The following OVOL2 variants were observed in gnomAD, a reference collection of about 807,000 sequenced individuals.
OVOL2 encodes ovo like zinc finger 2, also known as transcription factor Ovo-like 2.
OVOL2 carries 13 observed loss-of-function variants against 18.1 expected under a neutral mutation model. The ratio of observed to expected loss-of-function variants is 0.72; its 90% CI spans 0.47 to 1.14. The LOEUF is 1.14. OVOL2 is among the 50% of genes most tolerant of loss of function. OVOL2 has a pLI of 0.00. For synonymous variants in OVOL2, 166 were observed against 162.7 expected (o/e 1.02, Z -0.16); for missense variants, 335 against 383.0 (o/e 0.87, Z 1.05).
intron 2 of OVOL2, among the ~76,000 whole-genome samples, chr20:18,049,883 C>A (rs568467064): frequency 6.6e-6 from 1 of 152,262 alleles, no homozygotes; most frequent in South Asian, 2.1e-4. Flanking sequence ...ACTATCAACA[C>A]TAAGGGCTAA....
In OVOL2 at chr20:18,056,174, T is replaced by C. The variant is rs1738335901; in HGVS notation, c.321+483A>G. On this transcript the variant is annotated intron_variant, in intron 2 of 3. Transcript: ENST00000278780. This position sits in a 1 kb window ranked among gnomAD's most constrained non-coding sequence, Gnocchi z 4.2. ...GGGAGAGGCCCACTATGTGTCAAGC[T>C]GCCGCCCAGGTCCAGAACATAAGCA... 6.6e-6 allele frequency among the ~76,000 whole-genome samples: 1 copy of C among 152,206 alleles called. No individual in the cohort carries two copies. The highest frequency in any genetic ancestry group is 1.5e-5 in the Non-Finnish European group (1 of 68,030).
At chr20:18,028,006 A>T (rs1037606633) in intron 3 of OVOL2, among the ~76,000 whole-genome samples, 1 of 152,008 alleles carries the variant, frequency 6.6e-6, no homozygotes, top group Non-Finnish European at 1.5e-5. Context: ...TGCATGGAGC[A>T]TGAAGAGGCC....
chr20:18,024,598 C>G lies in OVOL2; in HGVS notation c.*38G>C. The G allele has an allele frequency of 6.6e-7, 1 of 1,518,764 alleles. No homozygotes were observed. The highest frequency in any genetic ancestry group is 8.9e-7 in the Non-Finnish European group (1 of 1,129,258). The allele number at this position is 1,518,764 out of a possible 1,614,324, so 94.1% of individuals were successfully genotyped here. A position where few individuals can be genotyped will look rare whatever the true frequency, so the allele number is the denominator to read the frequency against. ...AAAACCAAAAATCCACGTAGACATA[C>G]GTGGCAGTGTGAACGTCTGTCCTCC... On this transcript the variant is annotated 3_prime_UTR_variant, in exon 4 of 4. Transcript: ENST00000278780.
chr20:18,047,625 C>T lies in OVOL2; in HGVS notation c.322-5902G>A, dbSNP rs185016702. Among the ~76,000 whole-genome samples, 1,009 of 135,358 alleles carry T rather than the reference C, an allele frequency of 7.5e-3. 64 individuals are homozygous for T. Among genetic ancestry groups the T allele is most frequent in the Middle Eastern group, 0.017 (4 of 242 alleles). The allele number at this position is 135,358 out of a possible 152,430, so 88.8% of individuals were successfully genotyped here. A position where few individuals can be genotyped will look rare whatever the true frequency, so the allele number is the denominator to read the frequency against. On this transcript the variant is annotated intron_variant, in intron 2 of 3. Transcript: ENST00000278780. ...TCCTAGTACTTTGGGAGGCCAAGGCCGGTGGATCATCTGAGGTCAGGAGTT... is the reference window on the plus strand; with the variant it reads ...TCCTAGTACTTTGGGAGGCCAAGGCTGGTGGATCATCTGAGGTCAGGAGTT...
rs1353307451 is a variant in OVOL2 at position 18,024,528 on chromosome 20, C to T, written c.*108G>A. Reference sequence around the variant, plus strand: ...TGTTTCAAAAGGACACAGAGGTGAACTGGTCACTTCTAATTAAGAAGAGCC... The same window carrying T: ...TGTTTCAAAAGGACACAGAGGTGAATTGGTCACTTCTAATTAAGAAGAGCC... On this transcript the variant is annotated 3_prime_UTR_variant, in exon 4 of 4. Transcript: ENST00000278780. 16 of 1,453,864 alleles carry T rather than the reference C, an allele frequency of 1.1e-5. No homozygotes were observed. The highest frequency in any genetic ancestry group is 3.6e-6 in the Non-Finnish European group (4 of 1,102,264). 90.1% of individuals were successfully genotyped at this position (1,453,864 alleles called of 1,614,324 possible). A position where few individuals can be genotyped will look rare whatever the true frequency, so the allele number is the denominator to read the frequency against.
At chr20:18,032,626 C>A (rs897556000) in intron 3 of OVOL2, among the ~76,000 whole-genome samples, 3 of 152,128 alleles carry the variant, frequency 2.0e-5, no homozygotes, top group Non-Finnish European at 2.9e-5. Flanking sequence ...CCTACCTCAG[C>A]CTCCTGAGTA....
intron 3 of OVOL2, among the ~76,000 whole-genome samples, chr20:18,038,514 G>A (rs2036639856): frequency 1.3e-5 from 2 of 152,168 alleles, no homozygotes; most frequent in African/African-American, 4.8e-5. Flanking sequence ...ACTCTTCTCT[G>A]AGAAGCTGTC....
intron 3 of OVOL2, among the ~76,000 whole-genome samples, chr20:18,039,914 T>C (rs1296910035): frequency 6.6e-6 from 1 of 152,134 alleles, no homozygotes; most frequent in Admixed American, 6.5e-5. Flanking sequence ...TCGGGGACTA[T>C]AGATAGCAAA....
chr20:18,056,845 CG>C lies in OVOL2; in HGVS notation c.132del (p.Glu45ArgfsTer90). ...CTGCCGCCGTCGCTGCGGCAGTCCT[CG>C]GGGGGGTCGTGGAGCAGGCGGCCTA... ...VGLGRLLHDP[P>X]EDCRSDGGSS... On this transcript the variant is annotated frameshift_variant, in exon 2 of 4. Coordinates refer to ENST00000278780, the MANE Select transcript of OVOL2 (RefSeq NM_021220.4). LOFTEE classifies it high-confidence loss of function. The surrounding 1 kb of genome is among the most constrained non-coding windows in gnomAD (Gnocchi z 4.2). The C allele has an allele frequency of 9.4e-6, 14 of 1,487,144 alleles. No homozygotes were observed. The highest frequency in any genetic ancestry group is 6.8e-5 in the Admixed American group (3 of 44,022). 92.1% of individuals were successfully genotyped at this position (1,487,144 alleles called of 1,614,324 possible).
At chr20:18,026,648 T>C (rs2036521452) in intron 3 of OVOL2, among the ~76,000 whole-genome samples, 1 of 152,318 alleles carries the variant, frequency 6.6e-6, no homozygotes, top group Admixed American at 6.5e-5. Flanking sequence ...CCCAAGGTGC[T>C]GGGATTACAG....
chr20:18,043,032 C>A (rs569176828), intron 2 of OVOL2, among the ~76,000 whole-genome samples: 68 of 152,266 alleles, frequency 4.5e-4, no homozygotes, highest in African/African-American at 1.6e-3. Context: ...TGGCCATGGA[C>A]TACCTGGCCA....
chr20:18,054,352 C>A (rs1348264231), intron 2 of OVOL2, among the ~76,000 whole-genome samples: 2 of 152,210 alleles, frequency 1.3e-5, no homozygotes, highest in African/African-American at 2.4e-5. Flanking sequence ...TGCTGCCTTG[C>A]ACACCCCAGG....
chr20:18,042,929 T>C (rs937379596), intron 2 of OVOL2, among the ~76,000 whole-genome samples: 1 of 152,140 alleles, frequency 6.6e-6, no homozygotes, highest in Admixed American at 6.5e-5. Context: ...GCTTCTTGTA[T>C]AGCCTGCAGA....
Position 18,024,816 on chromosome 20 carries a change from GCAGACGTAGA to G in OVOL2, c.638_647del (p.Leu213ProfsTer18). ...TGGGGCCCGTGTAGCCGCAATCCTC[GCAGACGTAGA>G]GCTTGTCCCGCCGCTGCTTATAGGC... On this transcript the variant is annotated frameshift_variant, in exon 4 of 4. Coordinates refer to ENST00000278780, the MANE Select transcript of OVOL2 (RefSeq NM_021220.4). LOFTEE classifies it high-confidence loss of function. The G allele has an allele frequency of 6.2e-7, 1 of 1,614,180 alleles. No homozygotes were observed. The highest frequency in any genetic ancestry group is 8.5e-7 in the Non-Finnish European group (1 of 1,180,042).
In OVOL2 at chr20:18,056,020, A is replaced by T. The variant is rs1364451891; in HGVS notation, c.321+637T>A. Among the ~76,000 whole-genome samples the T allele has an allele frequency of 6.6e-6, 1 of 152,212 alleles. No individual in the cohort carries two copies. The highest frequency in any genetic ancestry group is 1.5e-5 in the Non-Finnish European group (1 of 68,026). On this transcript the variant is annotated intron_variant, in intron 2 of 3. Coordinates refer to ENST00000278780, the MANE Select transcript of OVOL2 (RefSeq NM_021220.4). The surrounding 1 kb of genome is among the most constrained non-coding windows in gnomAD (Gnocchi z 4.2). ...AGGAAACACTCCAATCCACTGGGGT[A>T]GGGGCGCTCGAGAAATCTGTAGTTG...
At chr20:18,040,252 G>T (rs2036656800) in intron 3 of OVOL2, among the ~76,000 whole-genome samples, 1 of 152,120 alleles carries the variant, frequency 6.6e-6, no homozygotes, top group Non-Finnish European at 1.5e-5. Flanking sequence ...TAAGTCTGTT[G>T]GGAGGGTGGG....
At chr20:18,026,977 G>A (rs2036525298) in intron 3 of OVOL2, among the ~76,000 whole-genome samples, 1 of 152,178 alleles carries the variant, frequency 6.6e-6, no homozygotes, top group African/African-American at 2.4e-5. Context: ...GCCAAGGGCT[G>A]AGAAACTCCC....
rs1011838795 is a variant in OVOL2, at chr20:18,057,428, G to T, written c.100+107C>A. ...GACCCCCGCGTGCCCCCCGGAAGAGGGGGATGAGGTGGGGAGCCCGCCCCT... is the reference window on the plus strand; with the variant it reads ...GACCCCCGCGTGCCCCCCGGAAGAGTGGGATGAGGTGGGGAGCCCGCCCCT... On this transcript the variant is annotated intron_variant, in intron 1 of 3. Coordinates refer to ENST00000278780, the MANE Select transcript of OVOL2 (RefSeq NM_021220.4). The surrounding 1 kb of genome is among the most constrained non-coding windows in gnomAD (Gnocchi z 6.3). 2.3e-6 allele frequency: 3 copies of T among 1,299,524 alleles called. No individual in the cohort carries two copies. The highest frequency in any genetic ancestry group is 2.2e-5 in the Admixed American group (1 of 45,788). 80.5% of individuals were successfully genotyped at this position (1,299,524 alleles called of 1,614,324 possible).
chr20:18,027,966 G>C (rs1462931958), intron 3 of OVOL2, among the ~76,000 whole-genome samples: 1 of 152,020 alleles, frequency 6.6e-6, no homozygotes, highest in Non-Finnish European at 1.5e-5. Flanking sequence ...AAGCATGGAA[G>C]TTGAGAGAGG....
Sources: allele counts gnomAD v4.1 joint callset (sites outside exome capture counted in the v4.1 genomes callset), GRCh38; gene constraint gnomAD v4.1.1; non-coding constraint Gnocchi (gnomAD v3.1); transcripts MANE v1.5; gene names NCBI Gene and HGNC (gene_info 2026-07-23, HGNC 2026-07-21).